RARB: variants seen among roughly 807,000 people sequenced by gnomAD.
The protein encoded by RARB is retinoic acid receptor beta.
In RARB, 17 loss-of-function variants were observed where a neutral mutation model predicts 51.9. That is an observed-to-expected ratio of 0.33 (90% CI 0.22 to 0.49). The LOEUF is 0.49. Among genes scored for constraint, RARB ranks in the 20% least tolerant of loss-of-function variants. The pLI is 0.99. For missense variants in RARB, 369 were observed against 550.8 expected, an observed-to-expected ratio of 0.67 and a Z score of 3.30; for synonymous variants, 215 against 195.4, an observed-to-expected ratio of 1.10 and a Z score of -0.84.
At chr3:25,161,719 T>C (rs986400272) in intron 4 of RARB, among the ~76,000 whole-genome samples, 2 of 152,238 alleles carry the variant, frequency 1.3e-5, no homozygotes, top group Non-Finnish European at 2.9e-5. Flanking sequence ...TTTGTGTGTG[T>C]ATCTTACTCA....
chr3:25,590,471 A>C (rs1701572796), intron 5 of RARB, among the ~76,000 whole-genome samples: 1 of 152,148 alleles, frequency 6.6e-6, no homozygotes, highest in South Asian at 2.1e-4. Flanking sequence ...CAGACTAGAA[A>C]CGTATCCCAG....
At chr3:24,935,751 G>C (rs1237576341) in intron 2 of RARB, among the ~76,000 whole-genome samples, 1 of 152,064 alleles carries the variant, frequency 6.6e-6, no homozygotes. Context: ...AAATTGGATT[G>C]TTTGTTTTCA....
rs115942154 is a variant in RARB at position 25,428,771 on chromosome 3, C to G, written c.40C>G (p.Gln14Glu). The change falls in exon 1 of 8, where the codon CAA becomes GAA. Residue 14 changes from glutamine (Q) to glutamate (E), a missense_variant. Coordinates refer to ENST00000330688, the MANE Select transcript of RARB (RefSeq NM_000965.5). The part of the protein sequence containing the change: ...CMDVLSVSPG[Q>E]ILDFYTASPS... ...GGATGTTCTGTCAGTGAGTCCTGGGCAAATCCTGGATTTCTACACTGCGAG... is the reference window on the plus strand; with the variant it reads ...GGATGTTCTGTCAGTGAGTCCTGGGGAAATCCTGGATTTCTACACTGCGAG... 27 of 1,614,106 alleles carry G rather than the reference C, an allele frequency of 1.7e-5. No homozygotes were observed. The highest frequency in any genetic ancestry group is 2.3e-5 in the Non-Finnish European group (27 of 1,180,010).
chr3:25,099,902 C>G lies in RARB; in HGVS notation c.-327-32259C>G, dbSNP rs1011463010. Among the ~76,000 whole-genome samples, 8 of 152,310 alleles carry G rather than the reference C, an allele frequency of 5.3e-5. No individual in the cohort carries two copies. The East Asian group carries it at 1.2e-3, about 22-fold the overall frequency. ...GAAAGCCATGGGAAGACATTAGTGA[C>G]TGTTCGTAAATGCTTTTCCTTATGG... On this transcript the variant is annotated intron_variant, in intron 3 of 11. Transcript: ENST00000383772.
chr3:25,238,228 C>A (rs769070834), intron 5 of RARB, among the ~76,000 whole-genome samples: 10 of 151,634 alleles, frequency 6.6e-5, no homozygotes, highest in East Asian at 1.9e-4. Context: ...TTTTTTAGTT[C>A]CTACATATGA....
chr3:25,205,153 A>G (rs1033284588), intron 5 of RARB, among the ~76,000 whole-genome samples: 2 of 152,000 alleles, frequency 1.3e-5, no homozygotes, highest in African/African-American at 4.8e-5. Context: ...CCTCTCTGCC[A>G]CCTTGCAGTT....
chr3:24,845,574 A>G (rs1702476499), intron 1 of RARB, among the ~76,000 whole-genome samples: 1 of 152,236 alleles, frequency 6.6e-6, no homozygotes, highest in African/African-American at 2.4e-5. Flanking sequence ...GTTTAACTGT[A>G]AAGGAGGCTG....
chr3:25,246,938 G>A (rs899878116), intron 5 of RARB, among the ~76,000 whole-genome samples: 10 of 152,178 alleles, frequency 6.6e-5, no homozygotes, highest in African/African-American at 2.2e-4. Flanking sequence ...CCTTCCCTCA[G>A]GTGCTCTGTC....
intron 2 of RARB, among the ~76,000 whole-genome samples, chr3:24,900,977 T>C (rs891622269): frequency 9.9e-5 from 15 of 152,220 alleles, no homozygotes; most frequent in Non-Finnish European, 2.2e-4. Flanking sequence ...ATGGTAGGTT[T>C]CCCATAACGC....
At chr3:25,241,453 A>C (rs559615147) in intron 5 of RARB, among the ~76,000 whole-genome samples, 4 of 152,048 alleles carry the variant, frequency 2.6e-5, no homozygotes, top group Non-Finnish European at 5.9e-5. Context: ...TCCTAATGCT[A>C]TGCCTCCCCT....
At chr3:25,218,388 C>A (rs1184763734) in intron 5 of RARB, among the ~76,000 whole-genome samples, 1 of 151,834 alleles carries the variant, frequency 6.6e-6, no homozygotes, top group Non-Finnish European at 1.5e-5. Flanking sequence ...CCTTTAAATA[C>A]CCAGGGTGCT....
intron 3 of RARB, among the ~76,000 whole-genome samples, chr3:25,508,466 C>G (rs1449277375): frequency 6.6e-6 from 1 of 152,162 alleles, no homozygotes; most frequent in African/African-American, 2.4e-5. Context: ...TTTGCTTGTG[C>G]ACAAATTATA....
At chr3:25,391,061 C>T (rs1299999319) in intron 5 of RARB, among the ~76,000 whole-genome samples, 3 of 152,106 alleles carry the variant, frequency 2.0e-5, no homozygotes, top group Non-Finnish European at 2.9e-5. Flanking sequence ...CAACCTTTCC[C>T]CCAGGTCCCC....
intron 3 of RARB, among the ~76,000 whole-genome samples, chr3:25,063,239 T>C (rs1698587256): frequency 6.6e-6 from 1 of 152,058 alleles, no homozygotes; most frequent in African/African-American, 2.4e-5. Flanking sequence ...AATTGTATTT[T>C]GAGGAAATTA....
intron 5 of RARB, among the ~76,000 whole-genome samples, chr3:25,277,470 C>G (rs1469606717): frequency 6.6e-6 from 1 of 152,134 alleles, no homozygotes; most frequent in African/African-American, 2.4e-5. Context: ...TTATCTACAT[C>G]CCAAAGTAGT....
chr3:25,211,729 G>T (rs975583759), intron 5 of RARB, among the ~76,000 whole-genome samples: 1 of 152,124 alleles, frequency 6.6e-6, no homozygotes, highest in South Asian at 2.1e-4. Context: ...TAACTCTGCT[G>T]TTATAGCACA....
rs530935817 is a variant in RARB, at chr3:25,155,088, T to A, written c.-279-19031T>A. Among the ~76,000 whole-genome samples the A allele has an allele frequency of 3.9e-5, 6 of 152,222 alleles. No individual in the cohort carries two copies. The South Asian group carries it at 1.2e-3, about 31-fold the overall frequency. On this transcript the variant is annotated intron_variant, in intron 4 of 11. Transcript: ENST00000383772. ...TCTCATTGCCATTCTCTGATTTAGA[T>A]TTTATCACTATTCTCTTTCCGTATG...
chr3:24,977,681 C>A (rs1179067876), intron 2 of RARB, among the ~76,000 whole-genome samples: 2 of 152,182 alleles, frequency 1.3e-5, no homozygotes, highest in African/African-American at 4.8e-5. Context: ...TCTAAATACA[C>A]AATTATGTCA....
intron 2 of RARB, among the ~76,000 whole-genome samples, chr3:24,899,186 G>T (rs1297604258): frequency 1.3e-5 from 2 of 152,174 alleles, no homozygotes; most frequent in African/African-American, 2.4e-5. Flanking sequence ...AAAATTTCAA[G>T]ATGACAGCAG....
Sources: gnomAD v4.1 joint callset for allele counts (sites outside exome capture counted in the v4.1 genomes callset) on GRCh38, gnomAD v4.1.1 for gene constraint, MANE v1.5 for transcripts, NCBI Gene and HGNC (gene_info 2026-07-23, HGNC 2026-07-21) for gene names.